CASZ1: variants seen among roughly 807,000 people sequenced by gnomAD.
The protein encoded by CASZ1 is zinc finger protein castor homolog 1.
In CASZ1, 28 loss-of-function variants were observed where a neutral mutation model predicts 135.2. The observed-to-expected ratio is 0.21, with a 90% CI of 0.15 to 0.28. The LOEUF (loss-of-function observed/expected upper bound fraction) is 0.28, where lower values mean the gene tolerates loss of function less well. Among genes scored for constraint, CASZ1 ranks in the 10% least tolerant of loss-of-function variants. The pLI, the probability that CASZ1 is intolerant of heterozygous loss-of-function variation, is 1.00. For missense variants in CASZ1, 2,161 were observed against 2,453.3 expected (o/e 0.88, Z 2.52); for synonymous variants, 1,068 against 1,073.4 (o/e 0.99, Z 0.10).
At position 10,721,871 on chromosome 1, in the gene CASZ1, G is replaced by A. The variant is rs1257134627; in HGVS notation, c.-76-16327C>T. On this transcript the variant is annotated intron_variant, in intron 2 of 20. Transcript: ENST00000377022. The surrounding 1 kb of genome is among the most constrained non-coding windows in gnomAD (Gnocchi z 5.4). ...GAAGCAGAGGCGGGCCCATGCCGAG[G>A]GGAAGAAGAGGGGCCAGGGCAGCCT... Among the ~76,000 whole-genome samples, 3 of 152,258 alleles carry A rather than the reference G, an allele frequency of 2.0e-5. No homozygotes were observed. The highest frequency in any genetic ancestry group is 4.4e-5 in the Non-Finnish European group (3 of 68,042).
chr1:10,694,390 A>G lies in CASZ1; in HGVS notation c.-23-478T>C, dbSNP rs1307704577. 3.0e-6 allele frequency: 3 copies of G among 1,001,066 alleles called. No homozygotes were observed. The highest frequency in any genetic ancestry group is 3.8e-6 in the Non-Finnish European group (3 of 786,502). The allele number at this position is 1,001,066 out of a possible 1,614,324, so 62.0% of individuals were successfully genotyped here. ...ATTGCAACTGATTACTCCCCGAATA[A>G]CAAGTTGTTTTAAAGCCCTGATGTC... On this transcript the variant is annotated intron_variant, in intron 3 of 20. Coordinates refer to ENST00000377022, the MANE Select transcript of CASZ1 (RefSeq NM_001079843.3). The surrounding 1 kb of genome is among the most constrained non-coding windows in gnomAD (Gnocchi z 6.6).
At position 10,676,123 on chromosome 1, in the gene CASZ1, G is replaced by A. The variant is rs1286599071; in HGVS notation, c.17-10552C>T. 6.6e-6 allele frequency among the ~76,000 whole-genome samples: 1 copy of A among 152,168 alleles called. No homozygotes were observed. Among genetic ancestry groups the A allele is most frequent in the Non-Finnish European group, 1.5e-5 (1 of 68,016 alleles). On this transcript the variant is annotated intron_variant, in intron 4 of 20. Transcript: ENST00000377022. The surrounding 1 kb of genome is among the most constrained non-coding windows in gnomAD (Gnocchi z 4.5). Reference sequence around the variant, plus strand: ...GACCTAGGCCTGCTCAGAGGCTTGGGGGCCAAGGAAGGAGGGACAGCAGGA... The same window carrying A: ...GACCTAGGCCTGCTCAGAGGCTTGGAGGCCAAGGAAGGAGGGACAGCAGGA...
At chr1:10,687,023 T>A (rs1359615046) in intron 4 of CASZ1, among the ~76,000 whole-genome samples, 2 of 152,074 alleles carry the variant, frequency 1.3e-5, no homozygotes, top group Non-Finnish European at 2.9e-5. Context: ...GCGGTGAGGA[T>A]CACAGCTGCA....
rs943374905 is a variant in CASZ1, at chr1:10,638,268, G to A, written c.*674C>T. 2.0e-5 allele frequency: 3 copies of A among 151,180 alleles called. No individual in the cohort carries two copies. The highest frequency in any genetic ancestry group is 4.4e-5 in the Non-Finnish European group (3 of 67,708). 9.4% of individuals were successfully genotyped at this position (151,180 alleles called of 1,614,324 possible). A position where few individuals can be genotyped will look rare whatever the true frequency, so the allele number is the denominator to read the frequency against. ...CGAGACCCCGCCCCGGCCCCCAGCGGGCTACTCTGGGTTTTGGACGCAGCC... is the reference window on the plus strand; with the variant it reads ...CGAGACCCCGCCCCGGCCCCCAGCGAGCTACTCTGGGTTTTGGACGCAGCC... On this transcript the variant is annotated 3_prime_UTR_variant, in exon 21 of 21. Transcript: ENST00000377022. This position sits in a 1 kb window ranked among gnomAD's most constrained non-coding sequence, Gnocchi z 5.9.
At chr1:10,681,376 C>T (rs1638415548) in intron 4 of CASZ1, among the ~76,000 whole-genome samples, 1 of 152,138 alleles carries the variant, frequency 6.6e-6, no homozygotes, top group Admixed American at 6.5e-5. Context: ...ACCTGCCAGC[C>T]AGCCCATGTG....
At chr1:10,732,882 G>A (rs1639727682) in intron 2 of CASZ1, among the ~76,000 whole-genome samples, 1 of 152,158 alleles carries the variant, frequency 6.6e-6, no homozygotes, top group Non-Finnish European at 1.5e-5. Flanking sequence ...CTTGCCACCA[G>A]TGTGCAATTC....
intron 1 of CASZ1, among the ~76,000 whole-genome samples, chr1:10,784,606 C>T (rs1017938014): frequency 1.2e-4 from 19 of 152,144 alleles, no homozygotes; most frequent in African/African-American, 4.6e-4. Flanking sequence ...CTCTGTTGCC[C>T]AGGCTGGAGT....
intron 5 of CASZ1, among the ~76,000 whole-genome samples, chr1:10,664,525 C>T (rs1441419657): frequency 6.6e-6 from 1 of 152,126 alleles, no homozygotes; most frequent in Admixed American, 6.5e-5. Flanking sequence ...GGCCCTGAGA[C>T]GTCCTGCTGG....
chr1:10,787,523 G>A (rs1640880354), intron 1 of CASZ1, among the ~76,000 whole-genome samples: 1 of 152,216 alleles, frequency 6.6e-6, no homozygotes, highest in Non-Finnish European at 1.5e-5. Flanking sequence ...GAGGGGGGCG[G>A]GCGGAGCTGG....
At chr1:10,795,495 C>G (rs565187388) in intron 1 of CASZ1, among the ~76,000 whole-genome samples, 2 of 152,098 alleles carry the variant, frequency 1.3e-5, no homozygotes, top group Non-Finnish European at 2.9e-5. Context: ...CAGAGCCCCC[C>G]CGGAGCGCAC....
In CASZ1 at chr1:10,715,825, G is replaced by A. The variant is rs1422634485; in HGVS notation, c.-76-10281C>T. 2.0e-4 allele frequency among the ~76,000 whole-genome samples: 15 copies of A among 73,510 alleles called. 1 individual carries two copies. The highest frequency in any genetic ancestry group is 7.8e-4 in the African/African-American group (12 of 15,376). 48.2% of individuals were successfully genotyped at this position (73,510 alleles called of 152,430 possible). A position where few individuals can be genotyped will look rare whatever the true frequency, so the allele number is the denominator to read the frequency against. ...ATCCACACCCCACAGCATCCAATCCGCACCTACAGCACCCAATCCACTCCC... is the reference window on the plus strand; with the variant it reads ...ATCCACACCCCACAGCATCCAATCCACACCTACAGCACCCAATCCACTCCC... On this transcript the variant is annotated intron_variant, in intron 2 of 20. Transcript: ENST00000377022.
At position 10,719,907 on chromosome 1, in the gene CASZ1, G is replaced by A. The variant is rs901331633; in HGVS notation, c.-76-14363C>T. Among the ~76,000 whole-genome samples, 1 of 152,258 alleles carries A rather than the reference G, an allele frequency of 6.6e-6. No individual in the cohort carries two copies. Among genetic ancestry groups the A allele is most frequent in the African/African-American group, 2.4e-5 (1 of 41,470 alleles). On this transcript the variant is annotated intron_variant, in intron 2 of 20. Coordinates refer to ENST00000377022, the MANE Select transcript of CASZ1 (RefSeq NM_001079843.3). The surrounding 1 kb of genome is among the most constrained non-coding windows in gnomAD (Gnocchi z 4.0). ...AGGAGGCAAATCTTGTCTTCTTGGT[G>A]CAGTGAAGAGGCCAGCAGTGCAGAG...
intron 5 of CASZ1, among the ~76,000 whole-genome samples, chr1:10,662,644 T>C (rs1301820151): frequency 6.7e-6 from 1 of 150,216 alleles, no homozygotes; most frequent in Non-Finnish European, 1.5e-5. Flanking sequence ...AAAACTCATA[T>C]ACTTGCTCAC....
chr1:10,790,851 C>T (rs1362797702), intron 1 of CASZ1, among the ~76,000 whole-genome samples: 2 of 151,280 alleles, frequency 1.3e-5, no homozygotes, highest in Admixed American at 6.6e-5. Flanking sequence ...AGGGGGCGAG[C>T]GAGCCCTGGA....
At chr1:10,685,464 C>T (rs1638556111) in intron 4 of CASZ1, among the ~76,000 whole-genome samples, 1 of 152,240 alleles carries the variant, frequency 6.6e-6, no homozygotes. Flanking sequence ...AGACGCATTT[C>T]CCAGCCAAAG....
intron 1 of CASZ1, among the ~76,000 whole-genome samples, chr1:10,770,933 T>C (rs1557562334): frequency 6.6e-6 from 1 of 152,250 alleles, no homozygotes; most frequent in Non-Finnish European, 1.5e-5. Flanking sequence ...CCAGTCCCGC[T>C]GTCTGCCATG....
At chr1:10,674,395 C>T (rs1399913313) in intron 4 of CASZ1, among the ~76,000 whole-genome samples, 2 of 152,216 alleles carry the variant, frequency 1.3e-5, no homozygotes, top group Non-Finnish European at 2.9e-5. Context: ...CTGAATCCAG[C>T]GTGGGGTCCG....
intron 2 of CASZ1, among the ~76,000 whole-genome samples, chr1:10,743,051 C>T (rs1639956230): frequency 6.6e-6 from 1 of 151,954 alleles, no homozygotes; most frequent in African/African-American, 2.4e-5. Flanking sequence ...TGGAGCAGCC[C>T]CCTGAAAGCA....
intron 3 of CASZ1, among the ~76,000 whole-genome samples, chr1:10,695,668 G>T (rs1448453771): frequency 6.6e-6 from 1 of 150,656 alleles, no homozygotes; most frequent in African/African-American, 2.4e-5. Flanking sequence ...CCAGCCAGGC[G>T]CTTTGTGCTG....
Sources: allele counts gnomAD v4.1 joint callset (sites outside exome capture counted in the v4.1 genomes callset), GRCh38; gene constraint gnomAD v4.1.1; non-coding constraint Gnocchi (gnomAD v3.1); transcripts MANE v1.5; gene names NCBI Gene and HGNC (gene_info 2026-07-23, HGNC 2026-07-21).